Variants in PPARGC1A observed in about 807,000 individuals in gnomAD.
PPARGC1A encodes the protein peroxisome proliferator-activated receptor gamma coactivator 1-alpha.
In PPARGC1A, 25 loss-of-function variants were observed where a neutral mutation model predicts 88.7. That is an observed-to-expected ratio of 0.28 (90% confidence interval 0.21 to 0.39). The LOEUF is 0.39. Ranked by LOEUF, PPARGC1A falls within the 10% of genes least tolerant of loss-of-function variation. PPARGC1A has a pLI of 1.00. For missense variants in PPARGC1A, 880 were observed against 968.7 expected (o/e 0.91, Z 1.22); for synonymous variants, 363 against 355.6 (o/e 1.02, Z -0.24).
chr4:23,923,136 T>A, the PPARGC1A span, among the ~76,000 whole-genome samples: 4 of 131,110 alleles, frequency 3.1e-5, no homozygotes, highest in Non-Finnish European at 6.6e-5. Flanking sequence ...TTTTTTTTTT[T>A]ATTTTTGGTG....
At chr4:24,451,079 C>G in the PPARGC1A span, among the ~76,000 whole-genome samples, 1 of 152,182 alleles carries the variant, frequency 6.6e-6, no homozygotes, top group South Asian at 2.1e-4. Flanking sequence ...CTGAGATAAT[C>G]AGCACTTCAG....
At chr4:24,119,680 C>T in the PPARGC1A span, among the ~76,000 whole-genome samples, 2 of 152,006 alleles carry the variant, frequency 1.3e-5, no homozygotes, top group Admixed American at 1.3e-4. Context: ...GAAAAATGTG[C>T]TGCATGCTTT....
the PPARGC1A span, among the ~76,000 whole-genome samples, chr4:24,365,990 A>G: frequency 6.6e-6 from 1 of 152,160 alleles, no homozygotes; most frequent in Non-Finnish European, 1.5e-5. Context: ...TCTCCTAATC[A>G]TCAACTTGTG....
At chr4:24,217,461 G>A in the PPARGC1A span, among the ~76,000 whole-genome samples, 6 of 152,160 alleles carry the variant, frequency 3.9e-5, no homozygotes, top group Admixed American at 6.5e-5. Flanking sequence ...TGAAGGTTTG[G>A]AGGGTGTTGG....
At chr4:23,889,152 T>C (rs993806851) in intron 1 of PPARGC1A, 23 of 985,224 alleles carry the variant, frequency 2.3e-5, no homozygotes, top group African/African-American at 3.5e-5. Flanking sequence ...ATTTTTACAC[T>C]AGCAGCGAGC....
Position 23,822,055 on chromosome 4 carries a change from G to A in PPARGC1A, c.877+2225C>T, listed in dbSNP as rs140063760. Among the ~76,000 whole-genome samples the A allele has an allele frequency of 1.9e-4, 29 of 152,170 alleles. No homozygotes were observed. In the East Asian group the frequency reaches 5.4e-3, roughly 28 times the overall value. ...TTCAACCTATATTTTAGTCTTTTGA[G>A]TAGACAATTTTATCAGTAGTTATGA... On this transcript the variant is annotated intron_variant, in intron 7 of 12. Coordinates refer to ENST00000264867, the MANE Select transcript of PPARGC1A (RefSeq NM_013261.5).
the PPARGC1A span, among the ~76,000 whole-genome samples, chr4:24,470,277 G>GACACAGACACACACACAC: frequency 1.7e-4 from 19 of 110,746 alleles, no homozygotes; most frequent in Non-Finnish European, 2.8e-4. This position sits in a 1 kb window ranked among gnomAD's most constrained non-coding sequence, Gnocchi z 5.8. Flanking sequence ...GACAGACACA[G>GACACAGACACACACACAC]ACACACACAC....
the PPARGC1A span, among the ~76,000 whole-genome samples, chr4:24,357,212 C>T: frequency 6.6e-6 from 1 of 152,168 alleles, no homozygotes; most frequent in Non-Finnish European, 1.5e-5. Context: ...AATCCAAATA[C>T]ATTTGCACCC....
intron 2 of PPARGC1A, among the ~76,000 whole-genome samples, chr4:23,865,281 C>G: frequency 6.6e-6 from 1 of 152,260 alleles, no homozygotes; most frequent in East Asian, 1.9e-4. Context: ...GACTGGCCAG[C>G]GTTTCTGAGG....
chr4:24,218,740 C>T, the PPARGC1A span, among the ~76,000 whole-genome samples: 8 of 152,236 alleles, frequency 5.3e-5, no homozygotes, highest in African/African-American at 1.9e-4. Context: ...CATCCCTCCT[C>T]TTCAGGAGGT....
chr4:24,212,314 T>C, the PPARGC1A span, among the ~76,000 whole-genome samples: 15 of 152,340 alleles, frequency 9.8e-5, no homozygotes, highest in African/African-American at 3.6e-4. Context: ...ATTAACTTCA[T>C]ACCATAACTG....
the PPARGC1A span, among the ~76,000 whole-genome samples, chr4:24,145,556 T>C: frequency 6.6e-6 from 1 of 152,224 alleles, no homozygotes; most frequent in African/African-American, 2.4e-5. Flanking sequence ...GTGACCAGAA[T>C]GGCAGATGCT....
At chr4:24,164,930 CTT>C in the PPARGC1A span, among the ~76,000 whole-genome samples, 146 of 152,196 alleles carry the variant, frequency 9.6e-4, no homozygotes, top group Non-Finnish European at 1.8e-3. Flanking sequence ...ACTATTTTGA[CTT>C]TGCACATTTA....
the PPARGC1A span, among the ~76,000 whole-genome samples, chr4:24,288,986 C>T: frequency 5.3e-5 from 8 of 152,208 alleles, no homozygotes; most frequent in East Asian, 1.5e-3. Flanking sequence ...CTTTGGGAGG[C>T]CAAGGTGGGT....
chr4:24,123,327 T>G, the PPARGC1A span, among the ~76,000 whole-genome samples: 1 of 152,172 alleles, frequency 6.6e-6, no homozygotes, highest in African/African-American at 2.4e-5. Flanking sequence ...AGAGCTTAGC[T>G]GTAGAGGGTC....
At chr4:24,442,393 T>G in the PPARGC1A span, among the ~76,000 whole-genome samples, 2 of 152,208 alleles carry the variant, frequency 1.3e-5, no homozygotes, top group African/African-American at 4.8e-5. Flanking sequence ...AATTTATTTT[T>G]TAAAAAATGT....
At chr4:23,942,451 C>A in the PPARGC1A span, among the ~76,000 whole-genome samples, 3 of 152,164 alleles carry the variant, frequency 2.0e-5, no homozygotes, top group Non-Finnish European at 2.9e-5. Context: ...TCTTGTCTAA[C>A]CTACCTAGAC....
chr4:24,211,953 C>T, the PPARGC1A span, among the ~76,000 whole-genome samples: 3 of 152,276 alleles, frequency 2.0e-5, no homozygotes, highest in South Asian at 4.2e-4. Flanking sequence ...CTGGGTTATT[C>T]CAAAGGCTTC....
chr4:24,456,798 T>C, the PPARGC1A span, among the ~76,000 whole-genome samples: 1 of 151,730 alleles, frequency 6.6e-6, no homozygotes, highest in East Asian at 1.9e-4. Context: ...CCAGATATGG[T>C]TACACTGGAG....
Sources: gnomAD v4.1 joint callset for allele counts (sites outside exome capture counted in the v4.1 genomes callset) on GRCh38, gnomAD v4.1.1 for gene constraint, Gnocchi (gnomAD v3.1) non-coding constraint, MANE v1.5 for transcripts, NCBI Gene and HGNC (gene_info 2026-07-23, HGNC 2026-07-21) for gene names.